PITPNC1: variants seen among roughly 807,000 people sequenced by gnomAD.
PITPNC1 encodes the protein phosphatidylinositol transfer protein cytoplasmic 1, also known as cytoplasmic phosphatidylinositol transfer protein 1.
Under a neutral mutation model 44.7 loss-of-function variants are expected in PITPNC1, and 18 were observed. That is an observed-to-expected ratio of 0.40 (90% CI 0.28 to 0.60). The LOEUF (loss-of-function observed/expected upper bound fraction) is 0.60, where lower values mean the gene tolerates loss of function less well. Ranked by LOEUF, PITPNC1 falls within the 20% of genes least tolerant of loss-of-function variation. PITPNC1 has a pLI of 0.39. For synonymous variants in PITPNC1, 141 were observed against 149.6 expected, an observed-to-expected ratio of 0.94 and a Z score of 0.42; for missense variants, 290 against 418.4, an observed-to-expected ratio of 0.69 and a Z score of 2.68.
intron 6 of PITPNC1, among the ~76,000 whole-genome samples, chr17:67,667,778 G>C (rs887234631): frequency 6.6e-6 from 1 of 151,856 alleles, no homozygotes; most frequent in African/African-American, 2.4e-5. Flanking sequence ...TCAGGAGTTC[G>C]AGACCAGCCT....
At chr17:67,613,330 A>G (rs2041713502) in intron 5 of PITPNC1, 1 of 152,224 alleles carries the variant, frequency 6.6e-6, no homozygotes, top group Non-Finnish European at 1.5e-5. Flanking sequence ...TATGTCTAAT[A>G]GTCAGTTGAT....
At chr17:67,606,762 T>G (rs2041613785) in intron 5 of PITPNC1, among the ~76,000 whole-genome samples, 1 of 152,028 alleles carries the variant, frequency 6.6e-6, no homozygotes, top group Admixed American at 6.6e-5. Flanking sequence ...GAAGAGGGTT[T>G]TTTTTTTTCT....
At chr17:67,529,865 T>C (rs1043149634) in intron 1 of PITPNC1, among the ~76,000 whole-genome samples, 17 of 152,154 alleles carry the variant, frequency 1.1e-4, no homozygotes, top group African/African-American at 4.1e-4. Flanking sequence ...GGAGAATCAC[T>C]TGAGCCTGGT....
chr17:67,403,218 C>CAAAAAAAAAAGA (rs2038347528), intron 1 of PITPNC1, among the ~76,000 whole-genome samples: 1 of 68,974 alleles, frequency 1.4e-5, no homozygotes, highest in African/African-American at 5.2e-5. Flanking sequence ...CTCATCTCTA[C>CAAAAAAAAAAGA]AAAAAAAAAA....
intron 5 of PITPNC1, among the ~76,000 whole-genome samples, chr17:67,606,614 C>T (rs1459481425): frequency 2.6e-5 from 4 of 152,072 alleles, no homozygotes; most frequent in African/African-American, 9.7e-5. Flanking sequence ...TATTTAAAGC[C>T]GAACTTTATA....
At chr17:67,618,505 C>CT (rs1412167588) in intron 5 of PITPNC1, among the ~76,000 whole-genome samples, 1 of 151,636 alleles carries the variant, frequency 6.6e-6, no homozygotes, top group Non-Finnish European at 1.5e-5. Flanking sequence ...AATCCCAGTA[C>CT]TTTGGGAGGC....
At chr17:67,631,351 C>T (rs939086426) in intron 5 of PITPNC1, among the ~76,000 whole-genome samples, 14 of 149,578 alleles carry the variant, frequency 9.4e-5, no homozygotes, top group East Asian at 1.9e-4. Flanking sequence ...AATATATGGC[C>T]GGGCGCGGTG....
At chr17:67,577,085 C>T (rs1422056886) in intron 4 of PITPNC1, among the ~76,000 whole-genome samples, 1 of 152,010 alleles carries the variant, frequency 6.6e-6, no homozygotes, top group Non-Finnish European at 1.5e-5. Flanking sequence ...AATTTGAGAC[C>T]AGCCTGGGCA....
Position 67,602,821 on chromosome 17 carries a change from C to T in PITPNC1, c.366+24564C>T, listed in dbSNP as rs558230530. Among the ~76,000 whole-genome samples the T allele has an allele frequency of 1.2e-4, 18 of 152,246 alleles. No homozygotes were observed. In the South Asian group the frequency reaches 3.1e-3, roughly 26 times the overall value. On this transcript the variant is annotated intron_variant, in intron 5 of 8. Coordinates refer to ENST00000581322, the MANE Select transcript of PITPNC1 (RefSeq NM_012417.4). ...GTACAACCTTGGTTCACTGCAACCT[C>T]GACCTCCTGGACTCAGGTGATCCTC... is the stretch of plus-strand genomic sequence containing the variant.
At chr17:67,426,411 T>C in intron 1 of PITPNC1, among the ~76,000 whole-genome samples, 1 of 152,172 alleles carries the variant, frequency 6.6e-6, no homozygotes, top group East Asian at 1.9e-4. Context: ...ATATACACCA[T>C]GGAATACTAT....
chr17:67,438,929 G>A (rs1210041204), intron 1 of PITPNC1, among the ~76,000 whole-genome samples: 2 of 152,126 alleles, frequency 1.3e-5, no homozygotes, highest in African/African-American at 4.8e-5. Flanking sequence ...CCCTTGGCCT[G>A]TCCTGTAGAA....
intron 8 of PITPNC1, among the ~76,000 whole-genome samples, chr17:67,685,038 A>T (rs1199757834): frequency 6.6e-6 from 1 of 152,242 alleles, no homozygotes; most frequent in Non-Finnish European, 1.5e-5. Context: ...TGTGTAGAGA[A>T]ACTTCTTTAA....
chr17:67,585,055 G>A (rs1283541256), intron 5 of PITPNC1, among the ~76,000 whole-genome samples: 2 of 150,282 alleles, frequency 1.3e-5, no homozygotes, highest in Admixed American at 6.7e-5. Context: ...GGCAGAGATT[G>A]CAGTGAGCTG....
At chr17:67,619,796 T>A (rs935540178) in intron 5 of PITPNC1, among the ~76,000 whole-genome samples, 1 of 150,932 alleles carries the variant, frequency 6.6e-6, no homozygotes, top group Admixed American at 6.6e-5. Context: ...ATCTGCAGGC[T>A]TGTGGGTGTG....
intron 5 of PITPNC1, among the ~76,000 whole-genome samples, chr17:67,621,936 G>A (rs1049204724): frequency 8.5e-5 from 13 of 152,112 alleles, no homozygotes; most frequent in Non-Finnish European, 1.6e-4. Context: ...GGGCAATGTA[G>A]CAAGACCCTG....
intron 5 of PITPNC1, among the ~76,000 whole-genome samples, chr17:67,629,668 T>C (rs1305015923): frequency 1.3e-5 from 2 of 152,254 alleles, no homozygotes; most frequent in Non-Finnish European, 2.9e-5. Context: ...CGGGGGGGAC[T>C]GGCTCTCGCA....
At chr17:67,533,469 C>T (rs1401819133) in intron 2 of PITPNC1, among the ~76,000 whole-genome samples, 1 of 149,568 alleles carries the variant, frequency 6.7e-6, no homozygotes, top group African/African-American at 2.5e-5. Context: ...ATGATCATGC[C>T]ACTGCTCTCC....
At chr17:67,625,108 C>G (rs999764557) in intron 5 of PITPNC1, among the ~76,000 whole-genome samples, 4 of 151,954 alleles carry the variant, frequency 2.6e-5, no homozygotes, top group Admixed American at 2.6e-4. Context: ...CAGATTGACA[C>G]CAAAATCCAC....
chr17:67,430,002 C>A (rs570835416), intron 1 of PITPNC1, among the ~76,000 whole-genome samples: 87 of 152,310 alleles, frequency 5.7e-4, no homozygotes, highest in South Asian at 4.8e-3. Flanking sequence ...GTGGAAACAG[C>A]CTTGCTTTGA....
Sources: gnomAD v4.1 joint callset for allele counts (sites outside exome capture counted in the v4.1 genomes callset) on GRCh38, gnomAD v4.1.1 for gene constraint, MANE v1.5 for transcripts, NCBI Gene and HGNC (gene_info 2026-07-23, HGNC 2026-07-21) for gene names.